Variants in FBXO11 observed in about 807,000 individuals in gnomAD.
FBXO11 encodes F-box only protein 11.
A neutral mutation model predicts 117.0 loss-of-function variants in FBXO11; 13 were observed. The ratio of observed to expected loss-of-function variants is 0.11; its 90% confidence interval spans 0.07 to 0.18. The LOEUF is 0.18. FBXO11 is among the 10% of genes least tolerant of loss of function. FBXO11 has a pLI of 1.00. For synonymous variants in FBXO11, 490 were observed against 380.5 expected (o/e 1.29, Z -3.35); for missense variants, 767 against 1,164.4 (o/e 0.66, Z 4.97).
rs1454243184 is a variant in FBXO11 at position 47,878,656 on chromosome 2, C to A, written c.232+26833G>T. ...GGATTACAGGTGTGAGCCACTGCGT[C>A]CAGCATTTTTTTTTTTTTTTTAAAG... On this transcript the variant is annotated intron_variant, in intron 1 of 22. Transcript: ENST00000403359. 4.0e-5 allele frequency among the ~76,000 whole-genome samples: 6 copies of A among 149,708 alleles called. 1 individual carries two copies. The highest frequency in any genetic ancestry group is 1.5e-4 in the African/African-American group (6 of 40,862).
intron 1 of FBXO11, among the ~76,000 whole-genome samples, chr2:47,876,610 C>A (rs566548466): frequency 6.6e-6 from 1 of 152,118 alleles, no homozygotes; most frequent in African/African-American, 2.4e-5. Context: ...CTGGTAAATA[C>A]GTTGTTAATT....
Position 47,833,058 on chromosome 2 carries a change from A to G in FBXO11, c.947T>C (p.Val316Ala). The G allele has an allele frequency of 6.2e-7, 1 of 1,611,538 alleles. No homozygotes were observed. The stretch of plus-strand genomic sequence containing the variant: ...GTTTTCAATTATAACTTTGTCTGCC[A>G]CTTTCCCAGGTGCTGTGGAGAAGAT... The part of the protein sequence containing the change: ...ITMIGAAPGK[V>A]ADKVIIENTR... The change falls in exon 8 of 23, where the codon GTG becomes GCG. Residue 316 changes from valine (V) to alanine (A), a missense_variant. Physicochemically the swap from Val to Ala is moderately conservative, Grantham distance 64. Coordinates refer to ENST00000403359, the MANE Select transcript of FBXO11 (RefSeq NM_001190274.2).
intron 1 of FBXO11, among the ~76,000 whole-genome samples, chr2:47,868,556 T>A (rs1382541201): frequency 2.6e-5 from 4 of 152,224 alleles, no homozygotes; most frequent in Middle Eastern, 3.2e-3. Context: ...CCTCCCAGAC[T>A]GACAGCTCTC....
Position 47,905,676 on chromosome 2 carries a change from C to A in FBXO11, c.45G>T (p.Ser15=), listed in dbSNP as rs1443591255. ...RAANRRPRRV[S]RPRPVQQQQQ... ...GCTGTTGCTGCACCGGGCGCGGCCGCGACACTCGCCTGGGTCTCCGGTTGG... is the reference window on the plus strand; with the variant it reads ...GCTGTTGCTGCACCGGGCGCGGCCGAGACACTCGCCTGGGTCTCCGGTTGG... Residue 15 remains serine (S), a synonymous_variant, in exon 1 of 23, where the codon TCG becomes TCT. Coordinates refer to ENST00000403359, the MANE Select transcript of FBXO11 (RefSeq NM_001190274.2). 3 of 1,507,756 alleles carry A rather than the reference C, an allele frequency of 2.0e-6. No homozygotes were observed. The East Asian group carries it at 8.4e-5, about 42-fold the overall frequency. The allele number at this position is 1,507,756 out of a possible 1,614,324, so 93.4% of individuals were successfully genotyped here.
chr2:47,889,167 A>G (rs1677081692), intron 1 of FBXO11, among the ~76,000 whole-genome samples: 1 of 152,226 alleles, frequency 6.6e-6, no homozygotes, highest in South Asian at 2.1e-4. Flanking sequence ...ACATAACACC[A>G]ATATGACTGC....
Position 47,813,467 on chromosome 2 carries a change from G to C in FBXO11, c.2084-90C>G, listed in dbSNP as rs1328494100. On this transcript the variant is annotated intron_variant, in intron 17 of 22. Transcript: ENST00000403359. ...TTTTTTTGAGACAGAGTCTCGCTCT[G>C]TTGCCAGGCTGGAGTGTGCAGTGGC... 10 of 755,748 alleles carry C rather than the reference G, an allele frequency of 1.3e-5. No individual in the cohort carries two copies. The South Asian group carries it at 2.4e-4, about 18-fold the overall frequency. 46.8% of individuals were successfully genotyped at this position (755,748 alleles called of 1,614,324 possible).
At chr2:47,837,257 T>G (rs915176008) in intron 4 of FBXO11, among the ~76,000 whole-genome samples, 14 of 152,260 alleles carry the variant, frequency 9.2e-5, no homozygotes, top group Admixed American at 9.2e-4. Flanking sequence ...CCGGGCACAG[T>G]GGCCCATGCC....
At chr2:47,857,666 G>A (rs1674417356) in intron 1 of FBXO11, among the ~76,000 whole-genome samples, 1 of 152,156 alleles carries the variant, frequency 6.6e-6, no homozygotes, top group African/African-American at 2.4e-5. Flanking sequence ...CATGTTCAGA[G>A]AGAAGGGACA....
intron 7 of FBXO11, among the ~76,000 whole-genome samples, chr2:47,834,351 A>G (rs1236489506): frequency 2.0e-5 from 3 of 152,150 alleles, no homozygotes; most frequent in Non-Finnish European, 2.9e-5. Context: ...CTCTGCATCA[A>G]AAAAACAAAA....
At chr2:47,877,539 T>C (rs983227450) in intron 1 of FBXO11, among the ~76,000 whole-genome samples, 1 of 152,192 alleles carries the variant, frequency 6.6e-6, no homozygotes, top group Non-Finnish European at 1.5e-5. Flanking sequence ...TTTTCTTCTG[T>C]ATTTTCGAAT....
At position 47,810,342 on chromosome 2, in the gene FBXO11, T is replaced by C; in HGVS notation, c.2312A>G (p.Asn771Ser). 6.2e-7 allele frequency: 1 copy of C among 1,608,670 alleles called. No individual in the cohort carries two copies. The highest frequency in any genetic ancestry group is 8.5e-7 in the Non-Finnish European group (1 of 1,177,978). Residue 771 changes from asparagine (N) to serine (S), a missense_variant, in exon 19 of 23, where the codon AAC becomes AGC. Around this residue, in one of 10 missense-constraint regions of FBXO11, gnomAD observed 66 missense variants for 82.7 expected, o/e 0.80. Coordinates refer to ENST00000403359, the MANE Select transcript of FBXO11 (RefSeq NM_001190274.2). ...STNSHPILRK[N>S]RIFDGFAAGI... is the part of the protein sequence containing the mutation. The stretch of plus-strand genomic sequence containing the variant: ...TGCGGCAAATCCATCAAATATTCTG[T>C]TTTTCCTTAAGATTGGATGACTATT...
At chr2:47,829,126 C>G (rs1234281328) in intron 11 of FBXO11, among the ~76,000 whole-genome samples, 4 of 152,122 alleles carry the variant, frequency 2.6e-5, no homozygotes, top group Non-Finnish European at 2.9e-5. Context: ...AACTCCTGGG[C>G]TCAAGGGATC....
At chr2:47,838,479 G>T (rs1312329987) in intron 4 of FBXO11, among the ~76,000 whole-genome samples, 1 of 152,104 alleles carries the variant, frequency 6.6e-6, no homozygotes, top group African/African-American at 2.4e-5. Flanking sequence ...CAAAGGGCAT[G>T]AATTATTTAA....
intron 1 of FBXO11, 84 bp from the exon 2 acceptor site, chr2:47,839,853 A>G: frequency 8.0e-7 from 1 of 1,251,108 alleles, no homozygotes; most frequent in Non-Finnish European, 1.1e-6. Context: ...TAAAACTTCA[A>G]ATTCGGGAGG....
intron 1 of FBXO11, among the ~76,000 whole-genome samples, chr2:47,890,076 G>C (rs1030356058): frequency 8.5e-5 from 13 of 152,092 alleles, no homozygotes; most frequent in African/African-American, 3.1e-4. Context: ...TCAGTCTCCT[G>C]AGTAGCTAGG....
intron 1 of FBXO11, among the ~76,000 whole-genome samples, chr2:47,871,931 T>C (rs1270102933): frequency 1.3e-5 from 2 of 152,246 alleles, no homozygotes; most frequent in East Asian, 3.8e-4. Flanking sequence ...CATATATATT[T>C]TGATGTTTTT....
At chr2:47,877,595 T>C (rs983331724) in intron 1 of FBXO11, among the ~76,000 whole-genome samples, 1 of 152,158 alleles carries the variant, frequency 6.6e-6, no homozygotes, top group Non-Finnish European at 1.5e-5. Context: ...ATGGTGTGTG[T>C]GTATCTTTGT....
rs764852405 is a variant in FBXO11 at position 47,905,727 on chromosome 2, G to A, written c.-7C>T. On this transcript the variant is annotated 5_prime_UTR_variant, in exon 1 of 23. Transcript: ENST00000403359. ...CGGCTCGGACGGAGTTCATTTGCCGGGCTGAGGTGGCGGCGTTGGCGGAGG... is the reference window on the plus strand; with the variant it reads ...CGGCTCGGACGGAGTTCATTTGCCGAGCTGAGGTGGCGGCGTTGGCGGAGG... 1.3e-6 allele frequency: 2 copies of A among 1,526,210 alleles called. No homozygotes were observed. Among genetic ancestry groups the A allele is most frequent in the South Asian group, 2.4e-5 (2 of 83,664 alleles). The allele number at this position is 1,526,210 out of a possible 1,614,324, so 94.5% of individuals were successfully genotyped here.
intron 12 of FBXO11, among the ~76,000 whole-genome samples, chr2:47,822,858 T>A (rs1230143213): frequency 6.6e-6 from 1 of 152,216 alleles, no homozygotes; most frequent in East Asian, 1.9e-4. Context: ...TATTTACTCA[T>A]CTATAATGCA....
Sources: allele counts gnomAD v4.1 joint callset (sites outside exome capture counted in the v4.1 genomes callset), GRCh38; gene constraint gnomAD v4.1.1; regional missense constraint gnomAD v4.1.1; transcripts MANE v1.5; gene names NCBI Gene and HGNC (gene_info 2026-07-23, HGNC 2026-07-21).